The following HKDC1 variants were observed in gnomAD, a reference collection of about 807,000 sequenced individuals.
The protein encoded by HKDC1 is hexokinase HKDC1.
HKDC1 carries 66 observed loss-of-function variants against 96.6 expected under a neutral mutation model. That is an observed-to-expected ratio of 0.68 (90% CI 0.56 to 0.84). The LOEUF (loss-of-function observed/expected upper bound fraction) is 0.84, where lower values mean the gene tolerates loss of function less well. Among genes scored for constraint, HKDC1 ranks in the 40% least tolerant of loss-of-function variants. The probability of loss-of-function intolerance (pLI) is 0.00; values close to 1 mark genes in which losing one functional copy is unlikely to be tolerated. For missense variants in HKDC1, 1,211 were observed against 1,208.1 expected, an observed-to-expected ratio of 1.00 and a Z score of -0.04; for synonymous variants, 466 against 473.1, an observed-to-expected ratio of 0.98 and a Z score of 0.20.
intron 2 of HKDC1, among the ~76,000 whole-genome samples, chr10:69,228,950 AAGAAAG>A (rs996161956): frequency 4.6e-5 from 7 of 152,070 alleles, no homozygotes; most frequent in African/African-American, 1.7e-4. Flanking sequence ...AAGAGAAAGA[AAGAAAG>A]AGAAAGAAGA....
At chr10:69,242,296 G>A (rs1308737549) in intron 6 of HKDC1, among the ~76,000 whole-genome samples, 1 of 152,076 alleles carries the variant, frequency 6.6e-6, no homozygotes, top group African/African-American at 2.4e-5. Context: ...GGGGGGCCAC[G>A]CCTAAACAGT....
At position 69,266,679 on chromosome 10, in the gene HKDC1, A is replaced by T. The variant is rs1843905064; in HGVS notation, c.2676A>T (p.Ser892=). 1 of 1,614,094 alleles carries T rather than the reference A, an allele frequency of 6.2e-7. No individual in the cohort carries two copies. Among genetic ancestry groups the T allele is most frequent in the Non-Finnish European group, 8.5e-7 (1 of 1,180,028 alleles). Residue 892 remains serine, a synonymous_variant, in exon 18 of 18, where the codon TCA becomes TCT. Transcript: ENST00000354624. The part of the protein sequence containing the change: ...APRCDVTFML[S]EDGSGKGAAL... ...GATGTGATGTGACATTCATGCTGTC[A>T]GAAGATGGCAGTGGAAAAGGGGCAG... is the stretch of plus-strand genomic sequence containing the variant.
At chr10:69,229,735 C>T (rs369180194) in intron 2 of HKDC1, among the ~76,000 whole-genome samples, 1 of 152,284 alleles carries the variant, frequency 6.6e-6, no homozygotes, top group Non-Finnish European at 1.5e-5. Flanking sequence ...CGGGAAGACG[C>T]CCAGCTCCCC....
At chr10:69,250,743 T>G in intron 12 of HKDC1, 91 bp downstream of exon 12, 1 of 1,435,002 alleles carries the variant, frequency 7.0e-7, no homozygotes, top group Non-Finnish European at 9.6e-7. Context: ...CTGCCTTCAT[T>G]TTTACAGGGA....
At position 69,267,371 on chromosome 10, in the gene HKDC1, A is replaced by C; in HGVS notation, c.*614A>C. On this transcript the variant is annotated 3_prime_UTR_variant, in exon 18 of 18. Transcript: ENST00000354624. ...AATCATTGCATGCTTAAAGCGAGTT[A>C]TGTCAGCACCCTGTAGGATTTTGTT... 1 of 414,754 alleles carries C rather than the reference A, an allele frequency of 2.4e-6. No homozygotes were observed. The highest frequency in any genetic ancestry group is 4.7e-6 in the Non-Finnish European group (1 of 212,392). The allele number at this position is 414,754 out of a possible 1,614,324, so 25.7% of individuals were successfully genotyped here.
intron 12 of HKDC1, among the ~76,000 whole-genome samples, chr10:69,255,350 G>A (rs145557308): frequency 8.3e-4 from 126 of 152,342 alleles, no homozygotes; most frequent in African/African-American, 2.9e-3. Context: ...AGCCAGCCAG[G>A]GGTCCAGTTT....
intron 12 of HKDC1, among the ~76,000 whole-genome samples, 188 bp downstream of exon 12, chr10:69,250,840 C>T (rs1843631310): frequency 6.6e-6 from 1 of 152,098 alleles, no homozygotes; most frequent in South Asian, 2.1e-4. Context: ...TTTAGACTGA[C>T]CATTCACAAG....
Position 69,246,083 on chromosome 10 carries a change from G to A in HKDC1, c.880G>A (p.Glu294Lys), listed in dbSNP as rs749727150. 3.7e-6 allele frequency: 6 copies of A among 1,613,860 alleles called. No individual in the cohort carries two copies. In the African/African-American group the frequency reaches 4.0e-5, roughly 11 times the overall value. ...GSLNPGKQLF[E>K]KMISGLYLGE... The stretch of plus-strand genomic sequence containing the variant: ...GATCTGTTCACCAACCTGCAGGTTC[G>A]AGAAGATGATCAGTGGCCTGTACCT... Residue 294 changes from glutamate to lysine, a missense_variant, in exon 8 of 18, where the codon GAG becomes AAG. Transcript: ENST00000354624.
chr10:69,224,482 C>T (rs1238271534), intron 1 of HKDC1, among the ~76,000 whole-genome samples: 1 of 152,028 alleles, frequency 6.6e-6, no homozygotes, highest in Non-Finnish European at 1.5e-5. Flanking sequence ...CATGGTTTCA[C>T]CAGCTTGGCC....
In HKDC1 at chr10:69,227,269, G is replaced by T. The variant is rs750989819; in HGVS notation, c.126G>T (p.Arg42=). The change falls in exon 2 of 18, where the codon CGG becomes CGT. Residue 42 remains arginine (R), a synonymous_variant. Coordinates refer to ENST00000354624, the MANE Select transcript of HKDC1 (RefSeq NM_025130.4). ...ACACCCTTTTGGACATCATGAGGCG[G>T]TTCCGGGCTGAGATGGAGAAGGGCC... ...SDDTLLDIMR[R]FRAEMEKGLA... The T allele has an allele frequency of 2.5e-6, 4 of 1,614,172 alleles. No individual in the cohort carries two copies. The highest frequency in any genetic ancestry group is 3.4e-6 in the Non-Finnish European group (4 of 1,180,030).
intron 1 of HKDC1, among the ~76,000 whole-genome samples, chr10:69,222,507 GA>G (rs1164660299): frequency 1.3e-5 from 2 of 152,208 alleles, no homozygotes; most frequent in Non-Finnish European, 2.9e-5. Flanking sequence ...TTGGAACCCT[GA>G]AACCTTTGAT....
intron 17 of HKDC1, among the ~76,000 whole-genome samples, chr10:69,266,168 A>G (rs771965115): frequency 1.3e-5 from 2 of 152,230 alleles, no homozygotes; most frequent in African/African-American, 4.8e-5. Context: ...AAGAAATGTA[A>G]GTTGGCTGAG....
intron 15 of HKDC1, 89 bp from the exon 16 acceptor site, chr10:69,261,050 C>T (rs2132378456): frequency 8.3e-7 from 1 of 1,204,384 alleles, no homozygotes; most frequent in Admixed American, 1.8e-5. Context: ...GATCTTGCTC[C>T]ATGCGTAGCT....
intron 1 of HKDC1, 21 bp from the exon 2 acceptor site, chr10:69,227,186 G>A (rs1483833806): frequency 6.2e-7 from 1 of 1,613,546 alleles, no homozygotes. Flanking sequence ...AGCACCCCTT[G>A]GTGGCCGGTG....
At chr10:69,252,428 G>A (rs1280763235) in intron 12 of HKDC1, among the ~76,000 whole-genome samples, 3 of 151,922 alleles carry the variant, frequency 2.0e-5, no homozygotes, top group South Asian at 4.2e-4. Context: ...GGTGGATCAC[G>A]AGGTCAGGAG....
At chr10:69,264,733 C>A (rs1378015061) in intron 16 of HKDC1, among the ~76,000 whole-genome samples, 1 of 152,218 alleles carries the variant, frequency 6.6e-6, no homozygotes, top group Non-Finnish European at 1.5e-5. Flanking sequence ...CCTGCTGAAT[C>A]CCCTGTATGG....
At chr10:69,252,057 G>T (rs1342281993) in intron 12 of HKDC1, among the ~76,000 whole-genome samples, 1 of 152,144 alleles carries the variant, frequency 6.6e-6, no homozygotes, top group Non-Finnish European at 1.5e-5. Flanking sequence ...ACTGTGCCTG[G>T]CAAGAAATGC....
intron 9 of HKDC1, 95 bp from the exon 10 acceptor site, chr10:69,248,328 AG>A (rs1451891104): frequency 9.3e-6 from 12 of 1,287,520 alleles, no homozygotes; most frequent in Non-Finnish European, 1.3e-5. Context: ...CCCGCCCCGC[AG>A]GGCCCTCCGG....
chr10:69,224,988 C>T (rs1217542414), intron 1 of HKDC1, among the ~76,000 whole-genome samples: 1 of 152,194 alleles, frequency 6.6e-6, no homozygotes, highest in African/African-American at 2.4e-5. Flanking sequence ...ATATGTTTCA[C>T]TTTTCCCTTC....
Sources: gnomAD v4.1 joint callset for allele counts (sites outside exome capture counted in the v4.1 genomes callset) on GRCh38, gnomAD v4.1.1 for gene constraint, MANE v1.5 for transcripts, NCBI Gene and HGNC (gene_info 2026-07-23, HGNC 2026-07-21) for gene names.